The following IL1RAP variants were observed in gnomAD, a reference collection of about 807,000 sequenced individuals.
IL1RAP encodes interleukin-1 receptor accessory protein.
IL1RAP carries 35 observed loss-of-function variants against 60.7 expected under a neutral mutation model. The ratio of observed to expected loss-of-function variants is 0.58; its 90% CI spans 0.44 to 0.76. The LOEUF (loss-of-function observed/expected upper bound fraction) is 0.76, where lower values mean the gene tolerates loss of function less well. Among genes scored for constraint, IL1RAP ranks in the 30% least tolerant of loss-of-function variants. IL1RAP has a pLI of 0.00. For synonymous variants in IL1RAP, 268 were observed against 250.9 expected, an observed-to-expected ratio of 1.07 and a Z score of -0.64; for missense variants, 572 against 693.9, an observed-to-expected ratio of 0.82 and a Z score of 1.97.
At chr3:190,515,990 T>C (rs1053635137) in intron 1 of IL1RAP, among the ~76,000 whole-genome samples, 3 of 152,148 alleles carry the variant, frequency 2.0e-5, no homozygotes, top group Non-Finnish European at 4.4e-5. Context: ...ATGGATTCCC[T>C]CCCACACCCT....
intron 11 of IL1RAP, 27 bp from the exon 12 acceptor site, chr3:190,648,311 A>G: frequency 6.5e-7 from 1 of 1,548,396 alleles, no homozygotes; most frequent in Non-Finnish European, 8.7e-7. Flanking sequence ...GGCCAACACT[A>G]ATCCCCATGG....
Position 190,623,363 on chromosome 3 carries a change from GC to G in IL1RAP, c.728del (p.Pro243LeufsTer2). Reference sequence around the variant, plus strand: ...ACACAGGCTCTCCAAAAAATGCAGTGCCCCCTGTGATCCATTCACCTAATGA... The same window carrying G: ...ACACAGGCTCTCCAAAAAATGCAGTGCCCCTGTGATCCATTCACCTAATGA... ...KVVGSPKNAV[P>X]PVIHSPNDHV... On this transcript the variant is annotated frameshift_variant, in exon 7 of 12. Transcript: ENST00000447382. LOFTEE classifies it high-confidence loss of function. The G allele has an allele frequency of 1.2e-6, 2 of 1,613,294 alleles. No homozygotes were observed. The highest frequency in any genetic ancestry group is 1.7e-6 in the Non-Finnish European group (2 of 1,179,460).
At position 190,624,213 on chromosome 3, in the gene IL1RAP, G is replaced by GGAACATA. The variant is rs902497603; in HGVS notation, c.775+799_775+805dup. 9.2e-5 allele frequency among the ~76,000 whole-genome samples: 14 copies of GGAACATA among 152,226 alleles called. 1 individual carries two copies. The highest frequency in any genetic ancestry group is 3.4e-4 in the African/African-American group (14 of 41,464). On this transcript the variant is annotated intron_variant, in intron 7 of 11. Transcript: ENST00000447382. ...ACCATAGCCATACCCAGAAAGCATA[G>GGAACATA]GAACATAACAGTTTTGAAAGGCAAA...
chr3:190,610,453 TA>T (rs943524179), intron 5 of IL1RAP, among the ~76,000 whole-genome samples: 10 of 151,258 alleles, frequency 6.6e-5, no homozygotes, highest in African/African-American at 2.4e-4. Flanking sequence ...GATCACAGAA[TA>T]AAAAACACAA....
intron 9 of IL1RAP, among the ~76,000 whole-genome samples, chr3:190,635,840 C>T (rs760443745): frequency 1.3e-5 from 2 of 152,128 alleles, no homozygotes; most frequent in Non-Finnish European, 2.9e-5. Flanking sequence ...AACTACATTA[C>T]GGAGTGGAGA....
chr3:190,516,872 G>A (rs907970210), intron 1 of IL1RAP, among the ~76,000 whole-genome samples: 3 of 152,202 alleles, frequency 2.0e-5, no homozygotes, highest in African/African-American at 7.2e-5. Flanking sequence ...ACTGGAATGA[G>A]ACTCAGAGAA....
At chr3:190,595,181 T>C (rs953029228) in intron 3 of IL1RAP, among the ~76,000 whole-genome samples, 4 of 152,210 alleles carry the variant, frequency 2.6e-5, no homozygotes, top group African/African-American at 9.6e-5. Context: ...ACCTTTGTTT[T>C]GTTTGCCAGT....
At chr3:190,554,877 T>C (rs1217639280) in intron 1 of IL1RAP, among the ~76,000 whole-genome samples, 1 of 152,168 alleles carries the variant, frequency 6.6e-6, no homozygotes, top group East Asian at 1.9e-4. Context: ...GCTTAATAAA[T>C]ACATTGATTT....
chr3:190,594,477 A>G (rs2108727011), intron 3 of IL1RAP, among the ~76,000 whole-genome samples: 1 of 152,320 alleles, frequency 6.6e-6, no homozygotes, highest in African/African-American at 2.4e-5. Context: ...GACAGAAGAA[A>G]TGGGATGGTA....
intron 3 of IL1RAP, among the ~76,000 whole-genome samples, chr3:190,576,974 G>C (rs963904797): frequency 5.3e-5 from 8 of 151,926 alleles, no homozygotes; most frequent in Non-Finnish European, 1.0e-4. Flanking sequence ...GGTGGCGGGC[G>C]CCTGTAGTCC....
chr3:190,618,934 A>G (rs1731515534), intron 5 of IL1RAP, among the ~76,000 whole-genome samples: 2 of 152,236 alleles, frequency 1.3e-5, no homozygotes, highest in Admixed American at 6.5e-5. Flanking sequence ...AATGTGCCTC[A>G]ATGTAACTGT....
At chr3:190,605,303 T>C (rs1278975677) in intron 4 of IL1RAP, among the ~76,000 whole-genome samples, 1 of 32,120 alleles carries the variant, frequency 3.1e-5, no homozygotes, top group African/African-American at 4.6e-5. Flanking sequence ...TATTCCTCTT[T>C]TTTTTTTCTG....
At chr3:190,545,322 G>A (rs1489497538) in intron 1 of IL1RAP, among the ~76,000 whole-genome samples, 1 of 152,086 alleles carries the variant, frequency 6.6e-6, no homozygotes, top group Admixed American at 6.5e-5. Flanking sequence ...ATTCACTGCC[G>A]GATCATTCAT....
At chr3:190,542,096 AT>A (rs1723987103) in intron 1 of IL1RAP, among the ~76,000 whole-genome samples, 1 of 152,042 alleles carries the variant, frequency 6.6e-6, no homozygotes, top group Non-Finnish European at 1.5e-5. Flanking sequence ...CTAGTGAAAT[AT>A]TTTTTTGCAT....
At chr3:190,532,508 C>T (rs1322030086) in intron 1 of IL1RAP, among the ~76,000 whole-genome samples, 4 of 152,044 alleles carry the variant, frequency 2.6e-5, no homozygotes, top group Admixed American at 2.6e-4. Flanking sequence ...GTGATCTGCC[C>T]GCCTCGGCCT....
intron 1 of IL1RAP, among the ~76,000 whole-genome samples, chr3:190,531,704 G>A (rs1722999773): frequency 6.6e-6 from 1 of 152,174 alleles, no homozygotes; most frequent in Admixed American, 6.5e-5. Flanking sequence ...ACAGCCAGCA[G>A]CAAGTGAATT....
chr3:190,610,042 G>T (rs939694596), intron 5 of IL1RAP, among the ~76,000 whole-genome samples: 1 of 152,120 alleles, frequency 6.6e-6, no homozygotes, highest in Non-Finnish European at 1.5e-5. Flanking sequence ...CTCTGAAGGG[G>T]TGGGAAAAGT....
At chr3:190,517,809 A>G (rs1301460916) in intron 1 of IL1RAP, 1 of 152,186 alleles carries the variant, frequency 6.6e-6, no homozygotes, top group Non-Finnish European at 1.5e-5. Context: ...AACAAAGATT[A>G]TCTCCAGCCT....
chr3:190,555,907 T>G (rs1250871737), intron 1 of IL1RAP: 1 of 149,114 alleles, frequency 6.7e-6, no homozygotes, highest in African/African-American at 2.5e-5. Flanking sequence ...AAATTATATA[T>G]ATAGATAGAT....
Sources: allele counts gnomAD v4.1 joint callset (sites outside exome capture counted in the v4.1 genomes callset), GRCh38; gene constraint gnomAD v4.1.1; transcripts MANE v1.5; gene names NCBI Gene and HGNC (gene_info 2026-07-23, HGNC 2026-07-21).